Variants in DOCK9 observed in about 807,000 individuals in gnomAD.
DOCK9 encodes dedicator of cytokinesis 9, also known as dedicator of cytokinesis protein 9.
A neutral mutation model predicts 263.3 loss-of-function variants in DOCK9; 89 were observed. The observed-to-expected ratio is 0.34, with a 90% CI of 0.28 to 0.40. The LOEUF is 0.40. Among genes scored for constraint, DOCK9 ranks in the 10% least tolerant of loss-of-function variants. DOCK9 has a pLI of 1.00. For synonymous variants in DOCK9, 976 were observed against 973.1 expected, an observed-to-expected ratio of 1.00 and a Z score of -0.06; for missense variants, 2,140 against 2,603.4, an observed-to-expected ratio of 0.82 and a Z score of 3.87.
intron 1 of DOCK9, among the ~76,000 whole-genome samples, chr13:99,000,788 T>G (rs1032608448): frequency 1.3e-5 from 2 of 152,160 alleles, no homozygotes; most frequent in African/African-American, 4.8e-5. Context: ...CAGATACAAG[T>G]CTATTAGCTA....
intron 45 of DOCK9, among the ~76,000 whole-genome samples, chr13:98,819,925 G>T (rs1383990093): frequency 6.6e-6 from 1 of 152,220 alleles, no homozygotes; most frequent in Non-Finnish European, 1.5e-5. Flanking sequence ...GCCTAGTTAA[G>T]TTCATATAAT....
chr13:98,982,837 C>T (rs1877520635), upstream of DOCK9, among the ~76,000 whole-genome samples: 2 of 152,146 alleles, frequency 1.3e-5, no homozygotes, highest in Non-Finnish European at 2.9e-5. Flanking sequence ...TCCTTTCTCC[C>T]GGGTAAGAAA....
intron 1 of DOCK9, among the ~76,000 whole-genome samples, chr13:98,988,968 C>T (rs1273817083): frequency 6.6e-6 from 1 of 152,190 alleles, no homozygotes; most frequent in Non-Finnish European, 1.5e-5. Context: ...GGCCACCCTT[C>T]AGCCACTGTC....
At chr13:98,846,532 G>C (rs748649221) in intron 37 of DOCK9, 1 of 1,351,890 alleles carries the variant, frequency 7.4e-7, no homozygotes, top group Admixed American at 1.9e-5. Context: ...AAGCAGGAAG[G>C]AGAAGAGCCA....
intron 1 of DOCK9, among the ~76,000 whole-genome samples, chr13:99,049,473 G>C (rs755346887): frequency 3.3e-5 from 5 of 152,108 alleles, no homozygotes; most frequent in Non-Finnish European, 5.9e-5. Context: ...AAAAGAAAAA[G>C]ACAAATCTGG....
intron 2 of DOCK9, among the ~76,000 whole-genome samples, chr13:98,952,188 G>T (rs570577650): frequency 1.3e-5 from 2 of 151,796 alleles, no homozygotes; most frequent in Non-Finnish European, 2.9e-5. Context: ...GTGAGCCACC[G>T]TGCCCAGCCT....
Position 98,930,152 on chromosome 13 carries a change from C to A in DOCK9, c.333+16G>T, listed in dbSNP as rs755362550. On this transcript the variant is annotated intron_variant, in intron 3 of 52. Coordinates refer to ENST00000682017, the MANE Select transcript of DOCK9 (RefSeq NM_001366683.2). ...AATGACTTCAAAATGTAAATTAATG[C>A]AGGAAAGAGCCTTACCTCTGTAACA... 10 of 1,598,274 alleles carry A rather than the reference C, an allele frequency of 6.3e-6. No individual in the cohort carries two copies. Among genetic ancestry groups the A allele is most frequent in the Non-Finnish European group, 8.5e-6 (10 of 1,171,548 alleles).
intron 1 of DOCK9, among the ~76,000 whole-genome samples, chr13:99,079,250 C>T (rs1203139693): frequency 2.6e-5 from 4 of 152,174 alleles, no homozygotes; most frequent in Admixed American, 1.3e-4. Flanking sequence ...TACTGTTTGA[C>T]TTTTGTATGG....
chr13:99,079,473 G>C (rs2042040922), intron 1 of DOCK9, among the ~76,000 whole-genome samples: 1 of 152,182 alleles, frequency 6.6e-6, no homozygotes, highest in Admixed American at 6.5e-5. Flanking sequence ...GAAATATTTA[G>C]TCAAGATAAT....
intron 27 of DOCK9, among the ~76,000 whole-genome samples, chr13:98,872,497 C>T (rs1392275693): frequency 6.6e-6 from 1 of 152,076 alleles, no homozygotes; most frequent in African/African-American, 2.4e-5. Context: ...GCCTCATCCT[C>T]CAGGGCTCAA....
intron 1 of DOCK9, among the ~76,000 whole-genome samples, chr13:99,003,091 C>T (rs1882689414): frequency 6.6e-6 from 1 of 152,206 alleles, no homozygotes; most frequent in South Asian, 2.1e-4. Flanking sequence ...GTCTACTACA[C>T]AAGCCCCTTC....
chr13:98,841,623 T>TC (rs1164830834), intron 38 of DOCK9, among the ~76,000 whole-genome samples: 87 of 149,050 alleles, frequency 5.8e-4, no homozygotes, highest in African/African-American at 1.2e-3. Context: ...AAAATTTTTT[T>TC]TTTTTTTTTT....
At chr13:99,071,430 CCTG>C (rs1231172848) in intron 1 of DOCK9, among the ~76,000 whole-genome samples, 7 of 151,150 alleles carry the variant, frequency 4.6e-5, no homozygotes, top group Non-Finnish European at 5.9e-5. Flanking sequence ...GTCACTGTGC[CCTG>C]CTATTACACT....
At chr13:99,008,226 ATATATATATT>A (rs1883760284) in intron 1 of DOCK9, among the ~76,000 whole-genome samples, 1 of 119,094 alleles carries the variant, frequency 8.4e-6, no homozygotes, top group African/African-American at 3.3e-5. Context: ...ATATATATAT[ATATATATATT>A]TTTTTTTTTT....
intron 7 of DOCK9, among the ~76,000 whole-genome samples, chr13:98,918,265 G>A (rs538076016): frequency 1.3e-4 from 20 of 152,268 alleles, no homozygotes; most frequent in African/African-American, 4.8e-4. Flanking sequence ...CTGCCATCTT[G>A]CTGAGTAGAA....
At chr13:98,989,161 C>T (rs1041563878) in intron 1 of DOCK9, among the ~76,000 whole-genome samples, 27 of 152,094 alleles carry the variant, frequency 1.8e-4, no homozygotes, top group Admixed American at 1.7e-3. Context: ...GAAGGTTCTC[C>T]TCTTTCATGA....
chr13:98,951,828 T>C (rs2057447148), intron 2 of DOCK9, among the ~76,000 whole-genome samples: 1 of 151,862 alleles, frequency 6.6e-6, no homozygotes. Context: ...CATCAGCTAG[T>C]GACGGCTGCA....
chr13:98,959,212 G>C (rs543003160), intron 1 of DOCK9, among the ~76,000 whole-genome samples: 1 of 152,328 alleles, frequency 6.6e-6, no homozygotes, highest in African/African-American at 2.4e-5. Context: ...TTTGAACAAT[G>C]TGTGCTTAGC....
intron 1 of DOCK9, among the ~76,000 whole-genome samples, chr13:98,965,157 G>A (rs1418375774): frequency 6.6e-6 from 1 of 152,134 alleles, no homozygotes; most frequent in Non-Finnish European, 1.5e-5. Flanking sequence ...GGGCCCTCAG[G>A]AAGGCCACAA....
Sources: gnomAD v4.1 joint callset for allele counts (sites outside exome capture counted in the v4.1 genomes callset) on GRCh38, gnomAD v4.1.1 for gene constraint, MANE v1.5 for transcripts, NCBI Gene and HGNC (gene_info 2026-07-23, HGNC 2026-07-21) for gene names.